The following LRP6 variants were observed in gnomAD, a reference collection of about 807,000 sequenced individuals.
LRP6 encodes low-density lipoprotein receptor-related protein 6.
A neutral mutation model predicts 184.1 loss-of-function variants in LRP6; 43 were observed. That is an observed-to-expected ratio of 0.23 (90% confidence interval 0.18 to 0.30). The LOEUF (loss-of-function observed/expected upper bound fraction) is 0.30, where lower values mean the gene tolerates loss of function less well. Ranked by LOEUF, LRP6 falls within the 10% of genes least tolerant of loss-of-function variation. The pLI is 1.00. For synonymous variants in LRP6, 719 were observed against 684.9 expected (o/e 1.05, Z -0.78); for missense variants, 1,571 against 2,005.3 (o/e 0.78, Z 4.14).
chr12:12,172,027 T>C (rs1034174034), intron 7 of LRP6, among the ~76,000 whole-genome samples: 2 of 152,228 alleles, frequency 1.3e-5, no homozygotes, highest in East Asian at 3.8e-4. Context: ...TGAACCACTT[T>C]AGGCAATTCC....
intron 22 of LRP6, among the ~76,000 whole-genome samples, chr12:12,122,831 C>CA (rs528135978): frequency 3.5e-4 from 53 of 150,556 alleles, no homozygotes; most frequent in African/African-American, 1.2e-3. Context: ...GACCCTGTCT[C>CA]AAAAAAAATA....
In LRP6 at chr12:12,164,446, A is replaced by T; in HGVS notation, c.1879T>A (p.Cys627Ser). The T allele has an allele frequency of 1.2e-6, 2 of 1,614,204 alleles. No homozygotes were observed. The highest frequency in any genetic ancestry group is 1.7e-6 in the Non-Finnish European group (2 of 1,180,030). Residue 627 changes from cysteine to serine, a missense_variant, in exon 9 of 23, where the codon TGC becomes AGC. Coordinates refer to ENST00000261349, the MANE Select transcript of LRP6 (RefSeq NM_002336.3). The stretch of plus-strand genomic sequence containing the variant: ...AAAAGGAAAGCCTCTGGGACAATGC[A>T]GGTCTTCATGTCACTGATGAGTTCA... ...GFELISDMKT[C>S]IVPEAFLLFS...
chr12:12,265,127 T>C (rs1275226504), intron 1 of LRP6, among the ~76,000 whole-genome samples: 2 of 152,230 alleles, frequency 1.3e-5, no homozygotes, highest in Non-Finnish European at 2.9e-5. Flanking sequence ...CCTTATGTCT[T>C]AAAATACATA....
intron 7 of LRP6, among the ~76,000 whole-genome samples, chr12:12,177,775 A>G (rs1478303559): frequency 6.6e-6 from 1 of 152,176 alleles, no homozygotes; most frequent in African/African-American, 2.4e-5. Context: ...ATCTATAAAA[A>G]GGGGACAAAA....
chr12:12,159,362 CAAACTT>C (rs1862684966), intron 11 of LRP6, among the ~76,000 whole-genome samples: 2 of 119,308 alleles, frequency 1.7e-5, no homozygotes, highest in Non-Finnish European at 3.8e-5. Flanking sequence ...CCCCATGCTT[CAAACTT>C]ATATTCCTGC....
At chr12:12,130,146 T>C (rs918041487) in intron 19 of LRP6, among the ~76,000 whole-genome samples, 13 of 152,092 alleles carry the variant, frequency 8.5e-5, no homozygotes, top group Non-Finnish European at 1.6e-4. Flanking sequence ...AGTGGGTGGA[T>C]TGCTTAAGTT....
At chr12:12,209,445 C>G (rs987530948) in intron 2 of LRP6, among the ~76,000 whole-genome samples, 2 of 151,968 alleles carry the variant, frequency 1.3e-5, no homozygotes, top group African/African-American at 4.8e-5. Context: ...AAGGATAAGA[C>G]CCAGATAAAG....
intron 10 of LRP6, 80 bp from the exon 11 acceptor site, chr12:12,160,044 A>C: frequency 3.0e-6 from 3 of 1,000,526 alleles, no homozygotes; most frequent in African/African-American, 1.6e-5. Flanking sequence ...CAAAGTAACT[A>C]AATAAATTTA....
rs1949581376 is a variant in LRP6 at position 12,120,023 on chromosome 12, AT to A, written c.*1102del. ...TATATATATATATATATATATATAT[AT>A]ATATATATATATATATATAAATGAT... is the stretch of plus-strand genomic sequence containing the variant. On this transcript the variant is annotated 3_prime_UTR_variant, in exon 23 of 23. Transcript: ENST00000261349. 22 of 112,710 alleles carry A rather than the reference AT, an allele frequency of 2.0e-4. No individual in the cohort carries two copies. The highest frequency in any genetic ancestry group is 6.4e-4 in the African/African-American group (21 of 32,700). The allele number at this position is 112,710 out of a possible 1,614,324, so 7.0% of individuals were successfully genotyped here.
chr12:12,151,826 G>A (rs1950085546), intron 12 of LRP6, among the ~76,000 whole-genome samples: 1 of 152,100 alleles, frequency 6.6e-6, no homozygotes, highest in South Asian at 2.1e-4. Context: ...TACAGGCAGA[G>A]CCACTGTGCC....
rs895596671 is a variant in LRP6, at chr12:12,117,855, CTT to C, written c.*3269_*3270del. 6.6e-6 allele frequency: 1 copy of C among 152,224 alleles called. No homozygotes were observed. The highest frequency in any genetic ancestry group is 2.4e-5 in the African/African-American group (1 of 41,546). The allele number at this position is 152,224 out of a possible 1,614,324, so 9.4% of individuals were successfully genotyped here. On this transcript the variant is annotated 3_prime_UTR_variant, in exon 23 of 23. Transcript: ENST00000261349. ...GAGTTTCCTTCATATAAATTACTGA[CTT>C]TAGGATATTTTTAAATGATAAAGAA...
intron 2 of LRP6, among the ~76,000 whole-genome samples, chr12:12,213,192 A>G (rs1470666840): frequency 6.6e-6 from 1 of 152,090 alleles, no homozygotes; most frequent in African/African-American, 2.4e-5. Flanking sequence ...GGAATTAATG[A>G]CATATGTTTT....
intron 2 of LRP6, among the ~76,000 whole-genome samples, chr12:12,243,859 T>C (rs1396605275): frequency 6.6e-6 from 1 of 152,198 alleles, no homozygotes; most frequent in Non-Finnish European, 1.5e-5. Context: ...CAAGTGATTT[T>C]CGTGCCTCAG....
rs575450168 is a variant in LRP6, at chr12:12,178,803, A to G, written c.1545+1007T>C. 7.2e-5 allele frequency among the ~76,000 whole-genome samples: 11 copies of G among 152,324 alleles called. No homozygotes were observed. In the South Asian group the frequency reaches 2.3e-3, roughly 32 times the overall value. On this transcript the variant is annotated intron_variant, in intron 7 of 22. Coordinates refer to ENST00000261349, the MANE Select transcript of LRP6 (RefSeq NM_002336.3). ...AAGAACAACAGATGCCGTTTTCAGT[A>G]TTTGAGCCTGGTGGAATACTAACGG...
At chr12:12,135,953 G>A (rs144998286) in intron 16 of LRP6, among the ~76,000 whole-genome samples, 2,136 of 152,078 alleles carry the variant, frequency 0.014, 41 homozygotes, top group African/African-American at 0.049. Flanking sequence ...GGGAGGCTGC[G>A]GCAGGTGGAT....
intron 2 of LRP6, among the ~76,000 whole-genome samples, chr12:12,218,880 A>G (rs546946431): frequency 2.0e-5 from 3 of 152,354 alleles, no homozygotes; most frequent in Admixed American, 1.3e-4. Context: ...ATATTGCAGG[A>G]AAGAGAGAAA....
At chr12:12,183,017 AT>A (rs1223446631) in intron 5 of LRP6, among the ~76,000 whole-genome samples, 1 of 152,228 alleles carries the variant, frequency 6.6e-6, no homozygotes, top group Non-Finnish European at 1.5e-5. Context: ...TTTGTTTTAA[AT>A]TGAAACCAAA....
chr12:12,119,990 A>AAAAT lies in LRP6; in HGVS notation c.*1135_*1136insATTT, dbSNP rs1949576016. 1 of 45,514 alleles carries AAAAT rather than the reference A, an allele frequency of 2.2e-5. No homozygotes were observed. Among genetic ancestry groups the AAAAT allele is most frequent in the African/African-American group, 9.5e-5 (1 of 10,534 alleles). The allele number at this position is 45,514 out of a possible 1,614,324, so 2.8% of individuals were successfully genotyped here. On this transcript the variant is annotated 3_prime_UTR_variant, in exon 23 of 23. Transcript: ENST00000261349. ...ACTCAGAAAACAAACAAACAAACAA[A>AAAAT]ATATATATATATATATATATATATA...
At chr12:12,128,593 C>G (rs138071575) in intron 19 of LRP6, among the ~76,000 whole-genome samples, 2 of 152,136 alleles carry the variant, frequency 1.3e-5, no homozygotes, top group Non-Finnish European at 2.9e-5. Flanking sequence ...TCAGTCATTT[C>G]TCCTAGATTC....
Sources: allele counts gnomAD v4.1 joint callset (sites outside exome capture counted in the v4.1 genomes callset), GRCh38; gene constraint gnomAD v4.1.1; transcripts MANE v1.5; gene names NCBI Gene and HGNC (gene_info 2026-07-23, HGNC 2026-07-21).